The following HECW1 variants were observed in gnomAD, a reference collection of about 807,000 sequenced individuals.
HECW1 encodes the protein HECT, C2 and WW domain containing E3 ubiquitin protein ligase 1.
A neutral mutation model predicts 182.3 loss-of-function variants in HECW1; 61 were observed. The observed-to-expected ratio is 0.33, with a 90% CI of 0.27 to 0.41. HECW1 has a LOEUF of 0.41. Ranked by LOEUF, HECW1 falls within the 10% of genes least tolerant of loss-of-function variation. The probability of loss-of-function intolerance (pLI) is 1.00; values close to 1 mark genes in which losing one functional copy is unlikely to be tolerated. For missense variants in HECW1, 1,739 were observed against 2,108.9 expected (o/e 0.82, Z 3.44); for synonymous variants, 859 against 832.6 (o/e 1.03, Z -0.55).
chr7:43,247,273 G>T (rs1290800907), intron 3 of HECW1, among the ~76,000 whole-genome samples: 1 of 152,178 alleles, frequency 6.6e-6, no homozygotes, highest in Non-Finnish European at 1.5e-5. Context: ...ATTTCCTTCT[G>T]TTTAGGGCAT....
At chr7:43,306,888 A>G (rs1002933778) in intron 3 of HECW1, among the ~76,000 whole-genome samples, 7 of 152,274 alleles carry the variant, frequency 4.6e-5, no homozygotes, top group African/African-American at 7.2e-5. Context: ...TTAATGTGCT[A>G]TACTCCATGA....
At chr7:43,430,313 C>T (rs1488028508) in intron 8 of HECW1, among the ~76,000 whole-genome samples, 1 of 152,216 alleles carries the variant, frequency 6.6e-6, no homozygotes, top group Non-Finnish European at 1.5e-5. Context: ...CCCTTATTTA[C>T]TCTGCCACAG....
chr7:43,307,817 A>T (rs1807777794), intron 3 of HECW1, among the ~76,000 whole-genome samples: 1 of 148,824 alleles, frequency 6.7e-6, no homozygotes, highest in Non-Finnish European at 1.5e-5. Context: ...TAAAATAAAA[A>T]TGGGGTAAAT....
At chr7:43,519,260 T>G (rs1037549497) in intron 24 of HECW1, among the ~76,000 whole-genome samples, 8 of 152,138 alleles carry the variant, frequency 5.3e-5, no homozygotes, top group Admixed American at 5.2e-4. Context: ...GACTTTTTTT[T>G]TTTTTAGACA....
intron 6 of HECW1, among the ~76,000 whole-genome samples, chr7:43,367,734 CT>C (rs1427778726): frequency 1.3e-5 from 2 of 152,154 alleles, no homozygotes; most frequent in East Asian, 3.8e-4. Context: ...AACTTTTAAA[CT>C]TTGTCTCCAT....
intron 3 of HECW1, among the ~76,000 whole-genome samples, chr7:43,304,555 A>C (rs1029033357): frequency 6.6e-6 from 1 of 151,706 alleles, no homozygotes; most frequent in Non-Finnish European, 1.5e-5. Context: ...CAGTGGCGCA[A>C]TCTTAGCTCA....
In HECW1 at chr7:43,311,781, T is replaced by C; in HGVS notation, c.46T>C (p.Phe16Leu). The C allele has an allele frequency of 6.2e-7, 1 of 1,613,624 alleles. No individual in the cohort carries two copies. The highest frequency in any genetic ancestry group is 8.5e-7 in the Non-Finnish European group (1 of 1,179,770). The change falls in exon 4 of 30, where the codon TTT (phenylalanine) becomes CTT (leucine). Residue 16 changes from phenylalanine (F) to leucine (L), a missense_variant. Coordinates refer to ENST00000395891, the MANE Select transcript of HECW1 (RefSeq NM_015052.5). ...CCCACAGAATCTGTACCAGAACAGG[T>C]TTTTAGGCCTGGCCGCCATGGCGTC... Reference protein sequence around the residue: ...CSVKNLYQNRFLGLAAMASPS... With the variant: ...CSVKNLYQNRLLGLAAMASPS...
chr7:43,361,081 T>C, intron 6 of HECW1, 101 bp downstream of exon 6: 4 of 718,622 alleles, frequency 5.6e-6, no homozygotes, highest in East Asian at 5.3e-5. Context: ...TGTGTGTGTG[T>C]GTGTGTGTAC....
intron 3 of HECW1, among the ~76,000 whole-genome samples, chr7:43,298,166 A>G (rs148154753): frequency 1.2e-4 from 18 of 152,268 alleles, no homozygotes; most frequent in African/African-American, 3.9e-4. Flanking sequence ...AGAGTGCACC[A>G]TTCGCCCTGT....
intron 3 of HECW1, among the ~76,000 whole-genome samples, chr7:43,253,301 A>G (rs1056442967): frequency 2.0e-5 from 3 of 152,198 alleles, no homozygotes; most frequent in African/African-American, 7.2e-5. Flanking sequence ...GAGTCCTGCC[A>G]CATGCCTACA....
intron 3 of HECW1, among the ~76,000 whole-genome samples, chr7:43,302,329 G>T (rs751011146): frequency 6.6e-6 from 1 of 152,228 alleles, no homozygotes; most frequent in Non-Finnish European, 1.5e-5. Context: ...CCCCTGCTGC[G>T]TGGTCAGGGC....
rs1421009156 is a variant in HECW1, at chr7:43,374,531, TTGGGAGGCCGAGGCGGGCGGA to T, written c.555+13553_555+13573del. ...CTAATTTATGAACAACAGATGCACT[TTGGGAGGCCGAGGCGGGCGGA>T]TCACGAGGTCAGGAGATCGAGACCA... On this transcript the variant is annotated intron_variant, in intron 6 of 29. Transcript: ENST00000395891. Among the ~76,000 whole-genome samples the T allele has an allele frequency of 1.2e-4, 14 of 117,842 alleles. 2 individuals carry two copies. Among genetic ancestry groups the T allele is most frequent in the Non-Finnish European group, 1.3e-4 (8 of 59,828 alleles). 77.3% of individuals were successfully genotyped at this position (117,842 alleles called of 152,430 possible).
chr7:43,556,447 GA>G (rs569687784), intron 29 of HECW1, among the ~76,000 whole-genome samples: 374 of 152,338 alleles, frequency 2.5e-3, no homozygotes, highest in Middle Eastern at 6.8e-3. Flanking sequence ...AGCACTGTGG[GA>G]GGCTAAGGCA....
chr7:43,406,024 C>G (rs1200180634), intron 7 of HECW1, among the ~76,000 whole-genome samples: 2 of 152,208 alleles, frequency 1.3e-5, no homozygotes, highest in African/African-American at 4.8e-5. Context: ...CCTACTTTAT[C>G]CACTGTCTCT....
At chr7:43,517,850 T>C (rs2080237811) in intron 24 of HECW1, among the ~76,000 whole-genome samples, 1 of 152,174 alleles carries the variant, frequency 6.6e-6, no homozygotes, top group Non-Finnish European at 1.5e-5. Flanking sequence ...AAAAGTTAGA[T>C]GAGAAGTCAC....
rs151243452 is a variant in HECW1 at position 43,382,665 on chromosome 7, A to C, written c.556-14149A>C. ...TATCTGTAAGATGAATAGACAGTGG[A>C]TCTATCCCACCAGATGGAAGGATAG... On this transcript the variant is annotated intron_variant, in intron 6 of 29. Transcript: ENST00000395891. 4.6e-5 allele frequency among the ~76,000 whole-genome samples: 7 copies of C among 152,296 alleles called. No individual in the cohort carries two copies. The East Asian group carries it at 1.3e-3, about 29-fold the overall frequency.
At chr7:43,511,881 A>G (rs961871408) in intron 24 of HECW1, 1 of 183,902 alleles carries the variant, frequency 5.4e-6, no homozygotes, top group Non-Finnish European at 1.2e-5. Context: ...TTTGCACAAA[A>G]TGCTGGCAGT....
rs796394625 is a variant in HECW1, at chr7:43,488,434, G to GAGAAAGAAAGAAAGAAAGAA, written c.3235-3605_3235-3586dup. On this transcript the variant is annotated intron_variant, in intron 17 of 29. Coordinates refer to ENST00000395891, the MANE Select transcript of HECW1 (RefSeq NM_015052.5). ...AAAGAGAGAGAGAGAAAGAAAGAAA[G>GAGAAAGAAAGAAAGAAAGAA]AGAAAGAAAGAAAGAAAGAAAGAAA... Among the ~76,000 whole-genome samples the GAGAAAGAAAGAAAGAAAGAA allele has an allele frequency of 2.0e-3, 189 of 93,122 alleles. 2 individuals carry two copies. Among genetic ancestry groups the GAGAAAGAAAGAAAGAAAGAA allele is most frequent in the Non-Finnish European group, 2.4e-3 (113 of 47,368 alleles). The allele number at this position is 93,122 out of a possible 152,430, so 61.1% of individuals were successfully genotyped here.
intron 8 of HECW1, among the ~76,000 whole-genome samples, chr7:43,423,275 C>T (rs1394650766): frequency 1.3e-5 from 2 of 152,188 alleles, no homozygotes; most frequent in African/African-American, 4.8e-5. Flanking sequence ...CTGACATAGA[C>T]AACCATCATC....
Sources: allele counts gnomAD v4.1 joint callset (sites outside exome capture counted in the v4.1 genomes callset), GRCh38; gene constraint gnomAD v4.1.1; transcripts MANE v1.5; gene names NCBI Gene and HGNC (gene_info 2026-07-23, HGNC 2026-07-21).